The following DOK6 variants were observed in gnomAD, a reference collection of about 807,000 sequenced individuals.
DOK6 encodes the protein downstream of tyrosine kinase 6.
Under a neutral mutation model 44.0 loss-of-function variants are expected in DOK6, and 22 were observed. The observed-to-expected ratio is 0.50, with a 90% confidence interval of 0.36 to 0.71. DOK6 has a LOEUF of 0.71. DOK6 is among the 30% of genes least tolerant of loss of function. The pLI is 0.00. For synonymous variants in DOK6, 166 were observed against 145.5 expected, an observed-to-expected ratio of 1.14 and a Z score of -1.01; for missense variants, 340 against 416.4, an observed-to-expected ratio of 0.82 and a Z score of 1.60.
intron 1 of DOK6, among the ~76,000 whole-genome samples, chr18:69,512,253 G>A (rs1981387752): frequency 6.6e-6 from 1 of 150,694 alleles, no homozygotes; most frequent in Non-Finnish European, 1.5e-5. Context: ...CAATGCAATC[G>A]ATGCTATCTT....
chr18:69,481,099 G>A (rs960073514), intron 1 of DOK6, among the ~76,000 whole-genome samples: 4 of 152,132 alleles, frequency 2.6e-5, no homozygotes, highest in Admixed American at 6.5e-5. Context: ...ACCTTCTGCC[G>A]TCAGGCACTT....
chr18:69,448,107 A>G (rs72957415), intron 1 of DOK6, among the ~76,000 whole-genome samples: 3,543 of 152,334 alleles, frequency 0.023, 60 homozygotes, highest in Middle Eastern at 0.068. Context: ...CTTTATCGCC[A>G]TCACTCATCT....
At chr18:69,823,280 A>T (rs1981629614) in intron 7 of DOK6, among the ~76,000 whole-genome samples, 1 of 152,222 alleles carries the variant, frequency 6.6e-6, no homozygotes, top group Non-Finnish European at 1.5e-5. Flanking sequence ...GAGAGATGAA[A>T]TAGAGGTATG....
intron 3 of DOK6, among the ~76,000 whole-genome samples, chr18:69,599,808 G>A (rs901932209): frequency 6.6e-6 from 1 of 152,116 alleles, no homozygotes; most frequent in Non-Finnish European, 1.5e-5. Flanking sequence ...TCTGGTTCTT[G>A]CTCATTGTGT....
intron 6 of DOK6, among the ~76,000 whole-genome samples, chr18:69,754,983 G>A (rs1979308314): frequency 6.6e-6 from 1 of 152,088 alleles, no homozygotes; most frequent in Non-Finnish European, 1.5e-5. Context: ...AGAAATGGGG[G>A]ACTAGATTTG....
In DOK6 at chr18:69,491,944, A is replaced by G. The variant is rs186389179; in HGVS notation, c.67-72543A>G. ...ATGGCAATCAATGTGCAGAGAACCA[A>G]AAGAATATTAAATATGAGTATTTCC... On this transcript the variant is annotated intron_variant, in intron 1 of 7. Coordinates refer to ENST00000382713, the MANE Select transcript of DOK6 (RefSeq NM_152721.6). 3.3e-5 allele frequency among the ~76,000 whole-genome samples: 5 copies of G among 152,346 alleles called. No individual in the cohort carries two copies. In the East Asian group the frequency reaches 9.6e-4, roughly 29 times the overall value.
intron 7 of DOK6, among the ~76,000 whole-genome samples, chr18:69,824,278 G>A (rs539573099): frequency 1.1e-4 from 16 of 139,398 alleles, no homozygotes; most frequent in African/African-American, 4.3e-4. Context: ...TCCCACCTAT[G>A]GATGAGAACA....
At position 69,842,521 on chromosome 18, in the gene DOK6, A is replaced by ATTG. The variant is rs1555674369; in HGVS notation, c.*1139_*1140insTGT. Reference sequence around the variant, plus strand: ...GGGTACAGGATTGTGGATATCATAGATGCTGTTCTCACACAACCACTGGGG... The same window carrying ATTG: ...GGGTACAGGATTGTGGATATCATAGATTGTGCTGTTCTCACACAACCACTGGGG... On this transcript the variant is annotated 3_prime_UTR_variant, in exon 8 of 8. Coordinates refer to ENST00000382713, the MANE Select transcript of DOK6 (RefSeq NM_152721.6). 6.6e-6 allele frequency: 1 copy of ATTG among 152,240 alleles called. No homozygotes were observed. Among genetic ancestry groups the ATTG allele is most frequent in the African/African-American group, 2.4e-5 (1 of 41,446 alleles). The allele number at this position is 152,240 out of a possible 1,614,324, so 9.4% of individuals were successfully genotyped here.
chr18:69,816,527 G>A (rs371615836), intron 7 of DOK6, among the ~76,000 whole-genome samples: 1 of 152,286 alleles, frequency 6.6e-6, no homozygotes, highest in East Asian at 1.9e-4. Context: ...TTACTTTGGA[G>A]TATTATATCT....
intron 5 of DOK6, among the ~76,000 whole-genome samples, chr18:69,723,784 C>T (rs1471406806): frequency 3.3e-5 from 5 of 152,120 alleles, no homozygotes; most frequent in African/African-American, 1.2e-4. Flanking sequence ...GTGTGAAAGG[C>T]AAGCAGTTTT....
At chr18:69,709,672 A>G (rs1188295217) in intron 5 of DOK6, among the ~76,000 whole-genome samples, 3 of 152,230 alleles carry the variant, frequency 2.0e-5, no homozygotes, top group Non-Finnish European at 4.4e-5. Flanking sequence ...TTTTACTAAA[A>G]TTAAAGAATT....
chr18:69,798,595 T>C (rs1599331352), intron 7 of DOK6, among the ~76,000 whole-genome samples: 1 of 152,172 alleles, frequency 6.6e-6, no homozygotes. Context: ...TTCAAATCTC[T>C]GTGAAAGTTT....
chr18:69,416,446 G>A (rs1978343279), intron 1 of DOK6, among the ~76,000 whole-genome samples: 1 of 152,204 alleles, frequency 6.6e-6, no homozygotes. Context: ...TGTCACCTGT[G>A]AAAACATAAA....
intron 2 of DOK6, among the ~76,000 whole-genome samples, chr18:69,578,258 A>G (rs1387218010): frequency 6.6e-6 from 1 of 152,294 alleles, no homozygotes; most frequent in East Asian, 1.9e-4. Flanking sequence ...AAATCATAGT[A>G]TAATTTAAAC....
chr18:69,515,736 CT>C (rs1981503124), intron 1 of DOK6, among the ~76,000 whole-genome samples: 1 of 152,144 alleles, frequency 6.6e-6, no homozygotes, highest in African/African-American at 2.4e-5. Flanking sequence ...AGTTGAGTAA[CT>C]ATTTTATGCC....
intron 1 of DOK6, among the ~76,000 whole-genome samples, chr18:69,411,294 T>C (rs1323129479): frequency 6.6e-6 from 1 of 152,172 alleles, no homozygotes; most frequent in Admixed American, 6.6e-5. Context: ...GCTGGGAAGT[T>C]ACTGATGTGT....
At chr18:69,767,565 A>T (rs1232714356) in intron 7 of DOK6, among the ~76,000 whole-genome samples, 4 of 151,924 alleles carry the variant, frequency 2.6e-5, no homozygotes. Flanking sequence ...CCACCCAAAC[A>T]TACTCATCCA....
chr18:69,611,826 G>C (rs1984146756), intron 3 of DOK6, among the ~76,000 whole-genome samples: 1 of 152,128 alleles, frequency 6.6e-6, no homozygotes. Context: ...AATGGGGCTG[G>C]AACCTTGGGG....
intron 2 of DOK6, among the ~76,000 whole-genome samples, chr18:69,584,000 C>T (rs1329741381): frequency 1.3e-5 from 2 of 149,656 alleles, no homozygotes; most frequent in African/African-American, 2.5e-5. Flanking sequence ...CCCAGCTACT[C>T]AGGAGGCTGA....
Sources: gnomAD v4.1 joint callset for allele counts (sites outside exome capture counted in the v4.1 genomes callset) on GRCh38, gnomAD v4.1.1 for gene constraint, MANE v1.5 for transcripts, NCBI Gene and HGNC (gene_info 2026-07-23, HGNC 2026-07-21) for gene names.